The following POLR3A variants were observed in gnomAD, a reference collection of about 807,000 sequenced individuals.
The protein encoded by POLR3A is RNA polymerase III subunit A, also known as DNA-directed RNA polymerase III subunit RPC1.
A neutral mutation model predicts 152.8 loss-of-function variants in POLR3A; 112 were observed. The observed-to-expected ratio is 0.73, with a 90% CI of 0.63 to 0.86. POLR3A has a LOEUF of 0.86. Among genes scored for constraint, POLR3A ranks in the 40% least tolerant of loss-of-function variants. The probability of loss-of-function intolerance (pLI) is 0.00; values close to 1 mark genes in which losing one functional copy is unlikely to be tolerated. For missense variants in POLR3A, 1,385 were observed against 1,743.1 expected (o/e 0.79, Z 3.66); for synonymous variants, 615 against 652.1 (o/e 0.94, Z 0.87).
At chr10:77,996,648 G>GCT (rs1564616786) in intron 19 of POLR3A, among the ~76,000 whole-genome samples, 2 of 149,392 alleles carry the variant, frequency 1.3e-5, no homozygotes, top group East Asian at 2.0e-4. Flanking sequence ...AATAACAGGA[G>GCT]CTGAAATTGA....
At chr10:77,979,937 A>G (rs1313252791) in intron 30 of POLR3A, among the ~76,000 whole-genome samples, 2 of 152,214 alleles carry the variant, frequency 1.3e-5, no homozygotes, top group African/African-American at 4.8e-5. Context: ...AAGTCATCCA[A>G]CAGATGTAAA....
rs1387686988 is a variant in POLR3A at position 77,983,929 on chromosome 10, C to T, written c.3420G>A (p.Leu1140=). 1.2e-6 allele frequency: 2 copies of T among 1,604,260 alleles called. No individual in the cohort carries two copies. The highest frequency in any genetic ancestry group is 1.7e-6 in the Non-Finnish European group (2 of 1,171,196). The change falls in exon 26 of 31, where the codon CTG becomes CTA. Residue 1140 remains leucine (L), a synonymous_variant. Transcript: ENST00000372371. The part of the protein sequence containing the change: ...VKLSLERIRL[L]RLEVNAETVR... ...TAATTATGTGACTCACTTCCAGTCT[C>T]AGAAGCCTAATCCGTTCCAGGGAGA...
chr10:78,000,181 T>C, intron 18 of POLR3A, 63 bp from the exon 19 acceptor site: 1 of 1,473,490 alleles, frequency 6.8e-7, no homozygotes. Flanking sequence ...GATTCTGAAA[T>C]CCACTCAAAT....
chr10:78,017,461 G>T, intron 10 of POLR3A, 114 bp downstream of exon 10: 9 of 1,039,172 alleles, frequency 8.7e-6, no homozygotes, highest in Non-Finnish European at 1.3e-5. Flanking sequence ...AAAAAAAAAA[G>T]TTATGAAAAC....
At chr10:78,013,537 A>G in intron 11 of POLR3A, 113 bp downstream of exon 11, 2 of 1,108,386 alleles carry the variant, frequency 1.8e-6, no homozygotes, top group Non-Finnish European at 2.8e-6. Context: ...TTAAGAACAG[A>G]AAGAGCCTGG....
intron 14 of POLR3A, among the ~76,000 whole-genome samples, chr10:78,009,334 G>C (rs1463684099): frequency 6.6e-6 from 1 of 152,094 alleles, no homozygotes; most frequent in Non-Finnish European, 1.5e-5. Flanking sequence ...GTGTCTACAT[G>C]ATCTCTACTT....
In POLR3A at chr10:77,985,312, C is replaced by A. The variant is rs1221825194; in HGVS notation, c.3100G>T (p.Gly1034Cys). 2 of 1,614,042 alleles carry A rather than the reference C, an allele frequency of 1.2e-6. No homozygotes were observed. Among genetic ancestry groups the A allele is most frequent in the South Asian group, 1.1e-5 (1 of 91,078 alleles). Residue 1034 changes from glycine to cysteine, a missense_variant, in exon 24 of 31, where the codon GGT becomes TGT. By Grantham distance (159) the Gly-to-Cys change is radical (BLOSUM62 -3). Coordinates refer to ENST00000372371, the MANE Select transcript of POLR3A (RefSeq NM_007055.4). ...RAQMEPGSAV[G>C]ALCAQSIGEP... is the part of the protein sequence containing the mutation. The stretch of plus-strand genomic sequence containing the variant: ...CCAATGCTCTGGGCACACAGAGCAC[C>A]CACTGCAGAACCTGGCTCCATCTGT...
At chr10:78,019,008 A>G (rs958723372) in intron 9 of POLR3A, among the ~76,000 whole-genome samples, 154 bp downstream of exon 9, 1 of 152,226 alleles carries the variant, frequency 6.6e-6, no homozygotes, top group Non-Finnish European at 1.5e-5. Context: ...AGCAAATGAC[A>G]TACCTTGGCT....
chr10:77,984,271 G>A lies in POLR3A; in HGVS notation c.3270C>T (p.Asp1090=), dbSNP rs1165281000. 1 of 1,612,744 alleles carries A rather than the reference G, an allele frequency of 6.2e-7. No individual in the cohort carries two copies. Among genetic ancestry groups the A allele is most frequent in the Non-Finnish European group, 8.5e-7 (1 of 1,178,902 alleles). Reference sequence around the variant, plus strand: ...GAGCATAATCCGCGTCGTCATCCTTGTCTAGCTGTGCTGTGATAATTGGAG... The same window carrying A: ...GAGCATAATCCGCGTCGTCATCCTTATCTAGCTGTGCTGTGATAATTGGAG... ...ISTPIITAQL[D]KDDDADYARL... is the part of the protein sequence containing the mutation. Residue 1090 remains aspartate (D), a synonymous_variant, in exon 25 of 31, where the codon GAC becomes GAT. Coordinates refer to ENST00000372371, the MANE Select transcript of POLR3A (RefSeq NM_007055.4).
intron 19 of POLR3A, among the ~76,000 whole-genome samples, chr10:77,997,367 T>C (rs1467406141): frequency 6.6e-6 from 1 of 152,154 alleles, no homozygotes; most frequent in African/African-American, 2.4e-5. Flanking sequence ...GGAAGTCAAA[T>C]TGTCCCTGTT....
chr10:77,980,352 A>G (rs1847128817), intron 29 of POLR3A, 79 bp from the exon 30 acceptor site: 7 of 1,399,488 alleles, frequency 5.0e-6, no homozygotes, highest in Non-Finnish European at 6.1e-6. Context: ...TGCACCTTCA[A>G]TACAATCAAC....
chr10:78,019,965 G>A (rs1847562325), intron 8 of POLR3A: 2 of 152,190 alleles, frequency 1.3e-5, no homozygotes, highest in South Asian at 4.2e-4. Flanking sequence ...CTTGAGGTCA[G>A]GAATTCAAGA....
chr10:78,008,870 A>G (rs991032962), intron 14 of POLR3A, among the ~76,000 whole-genome samples: 1 of 151,418 alleles, frequency 6.6e-6, no homozygotes, highest in Non-Finnish European at 1.5e-5. Flanking sequence ...AAAAAAATCA[A>G]TCCAGGCTGG....
Position 78,029,324 on chromosome 10 carries a change from C to T in POLR3A, c.44+40G>A, listed in dbSNP as rs763041883. ...GGACCGCTGACCTCGGACCCCTTGC[C>T]CTATTTCTCAGCCCTTTGGCCACTC... is the stretch of plus-strand genomic sequence containing the variant. On this transcript the variant is annotated intron_variant, in intron 1 of 30. Transcript: ENST00000372371. The T allele has an allele frequency of 6.2e-6, 10 of 1,609,726 alleles. 1 individual carries two copies. In the South Asian group the frequency reaches 1.1e-4, roughly 18 times the overall value.
intron 10 of POLR3A, among the ~76,000 whole-genome samples, chr10:78,016,309 C>G (rs1847523161): frequency 6.6e-6 from 1 of 151,446 alleles, no homozygotes; most frequent in Admixed American, 6.6e-5. Context: ...TGGGTCATAC[C>G]TATAATCCCA....
intron 12 of POLR3A, 54 bp downstream of exon 12, chr10:78,010,417 G>A: frequency 2.3e-6 from 3 of 1,279,844 alleles, no homozygotes; most frequent in East Asian, 2.3e-5. Context: ...CTATGAACGA[G>A]GAACACTGTG....
chr10:78,007,243 T>G (rs989359421), intron 15 of POLR3A, among the ~76,000 whole-genome samples: 2 of 152,168 alleles, frequency 1.3e-5, no homozygotes, highest in Admixed American at 1.3e-4. Context: ...GAATAAAGTT[T>G]TGGGGGCATG....
intron 21 of POLR3A, among the ~76,000 whole-genome samples, chr10:77,990,181 A>T (rs1847234436): frequency 6.6e-6 from 1 of 152,170 alleles, no homozygotes; most frequent in Non-Finnish European, 1.5e-5. Context: ...AACATGAAGG[A>T]GCTGCCTGAG....
In POLR3A at chr10:78,009,616, G is replaced by T. The variant is rs1311653369; in HGVS notation, c.1830C>A (p.Asp610Glu). The change falls in exon 14 of 31, where the codon GAC becomes GAA. Residue 610 changes from aspartate (D) to glutamate (E), a missense_variant. By Grantham distance (45) the Asp-to-Glu change is conservative. Transcript: ENST00000372371. ...TTCGCAGGTTGGCCCTCACTGGATT[G>T]TCATCGCTAGGCCTGAGGATGACAC... is the stretch of plus-strand genomic sequence containing the variant. The part of the protein sequence containing the change: ...IFSVILRPSD[D>E]NPVRANLRTK... The T allele has an allele frequency of 2.5e-6, 4 of 1,614,188 alleles. No individual in the cohort carries two copies. The highest frequency in any genetic ancestry group is 3.4e-6 in the Non-Finnish European group (4 of 1,180,042).
Sources: gnomAD v4.1 joint callset for allele counts (sites outside exome capture counted in the v4.1 genomes callset) on GRCh38, gnomAD v4.1.1 for gene constraint, MANE v1.5 for transcripts, NCBI Gene and HGNC (gene_info 2026-07-23, HGNC 2026-07-21) for gene names.